Variants in EGLN1 observed in about 807,000 individuals in gnomAD.
The protein encoded by EGLN1 is egl nine homolog 1.
In EGLN1, 17 loss-of-function variants were observed where a neutral mutation model predicts 38.3. That is an observed-to-expected ratio of 0.44 (90% CI 0.30 to 0.67). The LOEUF is 0.67. Ranked by LOEUF, EGLN1 falls within the 30% of genes least tolerant of loss-of-function variation. EGLN1 has a pLI of 0.08. For synonymous variants in EGLN1, 283 were observed against 257.5 expected, an observed-to-expected ratio of 1.10 and a Z score of -0.95; for missense variants, 477 against 603.3, an observed-to-expected ratio of 0.79 and a Z score of 2.19.
chr1:231,421,947 G>A lies in EGLN1; in HGVS notation c.-59C>T. On this transcript the variant is annotated 5_prime_UTR_variant, in exon 1 of 5. Coordinates refer to ENST00000366641, the MANE Select transcript of EGLN1 (RefSeq NM_022051.3). The surrounding 1 kb of genome is among the most constrained non-coding windows in gnomAD (Gnocchi z 5.5). ...GGCCGAGCAGGAGGGGTAGCGGCCGGACGGCCTCGCCCGAGGCTGGGGAGC... is the reference window on the plus strand; with the variant it reads ...GGCCGAGCAGGAGGGGTAGCGGCCGAACGGCCTCGCCCGAGGCTGGGGAGC... The A allele has an allele frequency of 6.0e-6, 8 of 1,337,948 alleles. No individual in the cohort carries two copies. Among genetic ancestry groups the A allele is most frequent in the Non-Finnish European group, 7.6e-6 (8 of 1,055,050 alleles). 82.9% of individuals were successfully genotyped at this position (1,337,948 alleles called of 1,614,324 possible). A position where few individuals can be genotyped will look rare whatever the true frequency, so the allele number is the denominator to read the frequency against.
intron 1 of EGLN1, among the ~76,000 whole-genome samples, chr1:231,383,914 C>T (rs1272666663): frequency 1.3e-5 from 2 of 152,048 alleles, no homozygotes; most frequent in Non-Finnish European, 2.9e-5. Flanking sequence ...GTACTTTAAA[C>T]AAGCACTTCA....
At chr1:231,412,953 T>C (rs904835075) in intron 1 of EGLN1, among the ~76,000 whole-genome samples, 6 of 152,326 alleles carry the variant, frequency 3.9e-5, no homozygotes, top group Non-Finnish European at 5.9e-5. Context: ...CAAATCTCAT[T>C]TGATTCTACT....
At chr1:231,395,895 T>C (rs1688512287) in intron 1 of EGLN1, among the ~76,000 whole-genome samples, 1 of 152,092 alleles carries the variant, frequency 6.6e-6, no homozygotes, top group South Asian at 2.1e-4. Context: ...CACATTAATG[T>C]AGACCAGAAG....
chr1:231,421,199 G>C lies in EGLN1; in HGVS notation c.690C>G (p.His230Gln), dbSNP rs1443868588. 1 of 1,614,052 alleles carries C rather than the reference G, an allele frequency of 6.2e-7. No homozygotes were observed. Among genetic ancestry groups the C allele is most frequent in the African/African-American group, 1.3e-5 (1 of 75,044 alleles). ...QQIGDEVRALHDTGKFTDGQL... is the reference protein window; with the variant it reads ...QQIGDEVRALQDTGKFTDGQL... Reference sequence around the variant, plus strand: ...GCCCGTCCGTGAACTTCCCGGTGTCGTGCAGGGCGCGCACCTCGTCGCCGA... The same window carrying C: ...GCCCGTCCGTGAACTTCCCGGTGTCCTGCAGGGCGCGCACCTCGTCGCCGA... Residue 230 changes from histidine (H) to glutamine (Q), a missense_variant, in exon 1 of 5, where the codon CAC becomes CAG. Physicochemically the swap from His to Gln is conservative, Grantham distance 24. This residue lies in a region of EGLN1 where 119 missense variants were observed against 179.0 expected (regional missense o/e 0.66). Coordinates refer to ENST00000366641, the MANE Select transcript of EGLN1 (RefSeq NM_022051.3). The surrounding 1 kb of genome is among the most constrained non-coding windows in gnomAD (Gnocchi z 5.5).
In EGLN1 at chr1:231,388,136, A is replaced by T. The variant is rs117616813; in HGVS notation, c.892-14037T>A. 2.8e-4 allele frequency among the ~76,000 whole-genome samples: 43 copies of T among 152,334 alleles called. No homozygotes were observed. In the East Asian group the frequency reaches 5.2e-3, roughly 18 times the overall value. On this transcript the variant is annotated intron_variant, in intron 1 of 4. Transcript: ENST00000366641. ...GTGTTAGAACCCAGTGACTCTAAGC[A>T]AAGTGATTGATGGGCCATAAAACAA...
chr1:231,372,216 G>A (rs1687842313), intron 2 of EGLN1, among the ~76,000 whole-genome samples: 1 of 152,178 alleles, frequency 6.6e-6, no homozygotes, highest in Non-Finnish European at 1.5e-5. Flanking sequence ...ATAACTATCT[G>A]TAACTGTCAA....
chr1:231,421,923 G>T lies in EGLN1; in HGVS notation c.-35C>A. The T allele has an allele frequency of 7.3e-7, 1 of 1,377,120 alleles. No homozygotes were observed. Among genetic ancestry groups the T allele is most frequent in the Non-Finnish European group, 9.3e-7 (1 of 1,075,802 alleles). 85.3% of individuals were successfully genotyped at this position (1,377,120 alleles called of 1,614,324 possible). On this transcript the variant is annotated 5_prime_UTR_variant, in exon 1 of 5. Coordinates refer to ENST00000366641, the MANE Select transcript of EGLN1 (RefSeq NM_022051.3). The surrounding 1 kb of genome is among the most constrained non-coding windows in gnomAD (Gnocchi z 5.5). The stretch of plus-strand genomic sequence containing the variant: ...GGCGGCGGCGACGGCGACTGCGGCG[G>T]CCGAGCAGGAGGGGTAGCGGCCGGA...
intron 1 of EGLN1, among the ~76,000 whole-genome samples, chr1:231,393,503 G>C (rs1403792735): frequency 6.6e-6 from 1 of 152,078 alleles, no homozygotes; most frequent in Non-Finnish European, 1.5e-5. Flanking sequence ...TCTGTAAAAT[G>C]GCTTAATACC....
At chr1:231,403,967 T>C (rs1688726426) in intron 1 of EGLN1, among the ~76,000 whole-genome samples, 1 of 152,060 alleles carries the variant, frequency 6.6e-6, no homozygotes, top group South Asian at 2.1e-4. Context: ...TGAATACATG[T>C]TGTTTAACTT....
intron 1 of EGLN1, among the ~76,000 whole-genome samples, chr1:231,381,993 T>C (rs1336037857): frequency 6.6e-6 from 1 of 152,248 alleles, no homozygotes; most frequent in African/African-American, 2.4e-5. Flanking sequence ...TGCAAGGAAG[T>C]ATCACTGTTA....
chr1:231,407,537 T>C (rs1345694613), intron 1 of EGLN1, among the ~76,000 whole-genome samples: 1 of 152,180 alleles, frequency 6.6e-6, no homozygotes, highest in East Asian at 1.9e-4. Flanking sequence ...TTTTTTCTTC[T>C]AGGTCTTATA....
In EGLN1 at chr1:231,364,682, C is replaced by G. The variant is rs1489340106; in HGVS notation, c.*1729G>C. ...TTACTGAGCTTCCCATAGAAAAGGT[C>G]TCAAATTGAATACAAACTATACAGA... On this transcript the variant is annotated 3_prime_UTR_variant, in exon 5 of 5. Coordinates refer to ENST00000366641, the MANE Select transcript of EGLN1 (RefSeq NM_022051.3). 4 of 152,124 alleles carry G rather than the reference C, an allele frequency of 2.6e-5. No individual in the cohort carries two copies. The highest frequency in any genetic ancestry group is 6.5e-5 in the Admixed American group (1 of 15,270). 9.4% of individuals were successfully genotyped at this position (152,124 alleles called of 1,614,324 possible).
intron 1 of EGLN1, among the ~76,000 whole-genome samples, chr1:231,386,366 T>C (rs1447828651): frequency 1.3e-5 from 2 of 152,224 alleles, no homozygotes; most frequent in African/African-American, 4.8e-5. Flanking sequence ...TAGTCTTGTT[T>C]TAAGAGCTGA....
At chr1:231,418,285 C>T (rs894494652) in intron 1 of EGLN1, among the ~76,000 whole-genome samples, 2 of 152,182 alleles carry the variant, frequency 1.3e-5, no homozygotes, top group African/African-American at 4.8e-5. Context: ...TTTTACACAG[C>T]CCAACCATAG....
At chr1:231,381,048 A>C (rs1688068884) in intron 1 of EGLN1, among the ~76,000 whole-genome samples, 1 of 152,142 alleles carries the variant, frequency 6.6e-6, no homozygotes, top group Admixed American at 6.6e-5. Flanking sequence ...CTGGGAGTAC[A>C]GGTACACGCT....
chr1:231,389,631 A>C (rs1280096521), intron 1 of EGLN1, among the ~76,000 whole-genome samples: 10 of 152,206 alleles, frequency 6.6e-5, no homozygotes, highest in Non-Finnish European at 1.3e-4. Context: ...CATGAAGTAA[A>C]AGGAAGAACA....
intron 1 of EGLN1, among the ~76,000 whole-genome samples, chr1:231,380,310 CGT>C (rs1218619469): frequency 8.2e-6 from 1 of 122,298 alleles, no homozygotes; most frequent in Non-Finnish European, 1.7e-5. Flanking sequence ...AGCGAGACTC[CGT>C]CTCAAAAAAA....
rs116423789 is a variant in EGLN1 at position 231,406,161 on chromosome 1, G to A, written c.891+14837C>T. On this transcript the variant is annotated intron_variant, in intron 1 of 4. Transcript: ENST00000366641. ...TGGGCGACAGAGCCAGAGAGACTCC[G>A]TCTCAAAAAAAAAAAAAATTTCAGG... Among the ~76,000 whole-genome samples the A allele has an allele frequency of 9.6e-3, 548 of 57,148 alleles. 8 individuals carry two copies. Among genetic ancestry groups the A allele is most frequent in the African/African-American group, 0.03 (524 of 17,330 alleles). The allele number at this position is 57,148 out of a possible 152,430, so 37.5% of individuals were successfully genotyped here. A position where few individuals can be genotyped will look rare whatever the true frequency, so the allele number is the denominator to read the frequency against.
chr1:231,388,075 G>A (rs145603328), intron 1 of EGLN1, among the ~76,000 whole-genome samples: 41 of 152,284 alleles, frequency 2.7e-4, no homozygotes, highest in South Asian at 8.3e-4. Flanking sequence ...TAAATGTCTT[G>A]TTGACAAAAG....
Sources: allele counts gnomAD v4.1 joint callset (sites outside exome capture counted in the v4.1 genomes callset), GRCh38; gene constraint gnomAD v4.1.1; regional missense constraint gnomAD v4.1.1; non-coding constraint Gnocchi (gnomAD v3.1); transcripts MANE v1.5; gene names NCBI Gene and HGNC (gene_info 2026-07-23, HGNC 2026-07-21).